Variants in ZC3H12B observed in about 807,000 individuals in gnomAD.
The protein encoded by ZC3H12B is zinc finger CCCH-type containing 12B.
In ZC3H12B, 7 loss-of-function variants were observed where a neutral mutation model predicts 43.9. That is an observed-to-expected ratio of 0.16 (90% CI 0.09 to 0.30). The LOEUF (loss-of-function observed/expected upper bound fraction) is 0.30, where lower values mean the gene tolerates loss of function less well. Ranked by LOEUF, ZC3H12B falls within the 10% of genes least tolerant of loss-of-function variation. The pLI is 1.00. For missense variants in ZC3H12B, 475 were observed against 670.2 expected, an observed-to-expected ratio of 0.71 and a Z score of 3.22; for synonymous variants, 222 against 241.7, an observed-to-expected ratio of 0.92 and a Z score of 0.76.
chrX:65,395,649 G>T (rs867201977), intron 2 of ZC3H12B, among the ~76,000 whole-genome samples: 5 of 111,115 alleles, frequency 4.5e-5, no homozygotes, highest in African/African-American at 1.6e-4. Flanking sequence ...AGTTTTTTTT[G>T]TTGTTGTTGT....
rs1215963583 is a variant in ZC3H12B, at chrX:65,373,897, A to ATATATATATATATATAT, written n.295+4909_295+4910insTATATATTATATATATA. ...ACCCTAGAACTTAAAGTATAGTAAT[A>ATATATATATATATATAT]TATATATATAGTTATATATATATAC... On this transcript the variant is annotated intron_variant and non_coding_transcript_variant, in intron 2 of 5. Transcript: ENST00000617377. 3.3e-4 allele frequency among the ~76,000 whole-genome samples: 9 copies of ATATATATATATATATAT among 27,351 alleles called. 1 individual carries two copies. The highest frequency in any genetic ancestry group is 1.6e-3 in the African/African-American group (9 of 5,794). 23.8% of individuals were successfully genotyped at this position (27,351 alleles called of 115,157 possible). A position where few individuals can be genotyped will look rare whatever the true frequency, so the allele number is the denominator to read the frequency against.
At chrX:65,070,586 C>G in the ZC3H12B span, among the ~76,000 whole-genome samples, 3 of 110,555 alleles carry the variant, frequency 2.7e-5, no homozygotes, top group Non-Finnish European at 5.7e-5. Context: ...ATAAATTTCC[C>G]TCTTAACAAT....
chrX:65,085,724 A>T, the ZC3H12B span, among the ~76,000 whole-genome samples: 2 of 110,017 alleles, frequency 1.8e-5, no homozygotes, highest in Non-Finnish European at 3.8e-5. Flanking sequence ...GTGAGCTATG[A>T]TTGTGCCATT....
At chrX:65,226,267 A>C in the ZC3H12B span, among the ~76,000 whole-genome samples, 1 of 111,396 alleles carries the variant, frequency 9.0e-6, no homozygotes, top group Admixed American at 9.5e-5. Flanking sequence ...TATCCAGCCA[A>C]ACTAAGCTTC....
the ZC3H12B span, among the ~76,000 whole-genome samples, chrX:65,125,869 T>G: frequency 9.0e-6 from 1 of 111,270 alleles, no homozygotes; most frequent in African/African-American, 3.3e-5. Context: ...TCTTACAGGT[T>G]AGGGGAGTTT....
At chrX:65,424,354 T>C (rs1036867632) in intron 3 of ZC3H12B, among the ~76,000 whole-genome samples, 3 of 112,325 alleles carry the variant, frequency 2.7e-5, no homozygotes, top group Admixed American at 9.4e-5. Context: ...TCCTTGTATA[T>C]GCTAGATGTT....
chrX:65,212,219 TA>T, the ZC3H12B span, among the ~76,000 whole-genome samples: 1 of 48,416 alleles, frequency 2.1e-5, no homozygotes, highest in Non-Finnish European at 3.3e-5. Context: ...TAATATATTA[TA>T]TATTATATTA....
At chrX:65,276,432 A>C in the ZC3H12B span, among the ~76,000 whole-genome samples, 24,991 of 110,751 alleles carry the variant, frequency 0.23, 6,904 homozygotes, top group African/African-American at 0.78. Flanking sequence ...AGAAAGAATT[A>C]TAAAACCAGC....
At chrX:65,370,271 G>T (rs2066227499) in intron 2 of ZC3H12B, among the ~76,000 whole-genome samples, 1 of 111,075 alleles carries the variant, frequency 9.0e-6, no homozygotes, top group South Asian at 3.8e-4. Flanking sequence ...AGGCCATTAT[G>T]GTATAGTGGA....
At chrX:65,476,776 G>A (rs1183347394) in intron 3 of ZC3H12B, among the ~76,000 whole-genome samples, 1 of 109,187 alleles carries the variant, frequency 9.2e-6, no homozygotes, top group Admixed American at 9.8e-5. Flanking sequence ...TCCACACCCT[G>A]TTTTTCATGG....
the ZC3H12B span, among the ~76,000 whole-genome samples, chrX:65,139,493 G>A: frequency 1.8e-5 from 2 of 111,451 alleles, no homozygotes; most frequent in African/African-American, 3.3e-5. Flanking sequence ...ATAGCTATGT[G>A]GTATATTTTG....
At chrX:65,300,111 T>C in the ZC3H12B span, among the ~76,000 whole-genome samples, 1 of 112,209 alleles carries the variant, frequency 8.9e-6, no homozygotes, top group African/African-American at 3.2e-5. Context: ...AACTTCCAGA[T>C]GAACTTTGTA....
chrX:65,355,604 G>A, the ZC3H12B span, among the ~76,000 whole-genome samples: 2 of 111,302 alleles, frequency 1.8e-5, no homozygotes, highest in Non-Finnish European at 3.8e-5. Flanking sequence ...GCAATTTGGG[G>A]GTGAGAAATA....
intron 3 of ZC3H12B, among the ~76,000 whole-genome samples, chrX:65,442,270 T>A (rs903921063): frequency 9.1e-6 from 1 of 109,948 alleles, no homozygotes; most frequent in Non-Finnish European, 1.9e-5. Context: ...GGATTAGCAT[T>A]GTCGAAAGCT....
chrX:65,084,406 A>G, the ZC3H12B span, among the ~76,000 whole-genome samples: 1 of 112,104 alleles, frequency 8.9e-6, no homozygotes, highest in Non-Finnish European at 1.9e-5. Context: ...AAACAACTCT[A>G]CAGAAAAAAA....
chrX:65,443,502 C>T lies in ZC3H12B; in HGVS notation n.407+44798C>T, dbSNP rs752840310. Among the ~76,000 whole-genome samples, 10 of 111,983 alleles carry T rather than the reference C, an allele frequency of 8.9e-5. No homozygotes were observed. In the South Asian group the frequency reaches 3.8e-3, roughly 42 times the overall value. Reference sequence around the variant, plus strand: ...CTGAGAGCCCCAAACAGAGATTTACCCACATAATTATTAACAGCAAACCAG... The same window carrying T: ...CTGAGAGCCCCAAACAGAGATTTACTCACATAATTATTAACAGCAAACCAG... On this transcript the variant is annotated intron_variant and non_coding_transcript_variant, in intron 3 of 5. Transcript: ENST00000617377.
chrX:65,269,752 A>G, the ZC3H12B span, among the ~76,000 whole-genome samples: 1 of 110,366 alleles, frequency 9.1e-6, no homozygotes, highest in Non-Finnish European at 1.9e-5. Flanking sequence ...CTCCTGTCTC[A>G]GCCTCCCAAA....
chrX:65,053,521 G>T, the ZC3H12B span, among the ~76,000 whole-genome samples: 1 of 111,355 alleles, frequency 9.0e-6, no homozygotes, highest in Non-Finnish European at 1.9e-5. Context: ...TGGACATTTG[G>T]GTTAGTTCCA....
the ZC3H12B span, among the ~76,000 whole-genome samples, chrX:65,309,206 G>T: frequency 9.1e-6 from 1 of 109,638 alleles, no homozygotes; most frequent in Non-Finnish European, 1.9e-5. Context: ...GAATCCAGGA[G>T]CTGTTTTTTT....
Sources: allele counts gnomAD v4.1 joint callset (sites outside exome capture counted in the v4.1 genomes callset), GRCh38; gene constraint gnomAD v4.1.1; transcripts MANE v1.5; gene names NCBI Gene and HGNC (gene_info 2026-07-23, HGNC 2026-07-21).